The following ANKFN1 variants were observed in gnomAD, a reference collection of about 807,000 sequenced individuals.
ANKFN1 encodes the protein ankyrin repeat and fibronectin type-III domain-containing protein 1.
A neutral mutation model predicts 108.7 loss-of-function variants in ANKFN1; 74 were observed. The observed-to-expected ratio is 0.68, with a 90% CI of 0.56 to 0.83. The LOEUF (loss-of-function observed/expected upper bound fraction) is 0.83, where lower values mean the gene tolerates loss of function less well. Among genes scored for constraint, ANKFN1 ranks in the 40% least tolerant of loss-of-function variants. ANKFN1 has a pLI of 0.00. For synonymous variants in ANKFN1, 547 were observed against 516.2 expected (o/e 1.06, Z -0.81); for missense variants, 1,505 against 1,382.3 (o/e 1.09, Z -1.41).
At chr17:56,242,697 T>C (rs1220805832) in intron 3 of ANKFN1, among the ~76,000 whole-genome samples, 1 of 152,122 alleles carries the variant, frequency 6.6e-6, no homozygotes, top group Admixed American at 6.6e-5. Context: ...GGGTCTTTAA[T>C]TCATGTTGAA....
At chr17:56,104,948 AGAT>A (rs1905716187) in intron 4 of ANKFN1, among the ~76,000 whole-genome samples, 1 of 152,228 alleles carries the variant, frequency 6.6e-6, no homozygotes, top group Non-Finnish European at 1.5e-5. Flanking sequence ...TGAGAATCAA[AGAT>A]GAGTGAGAGG....
intron 8 of ANKFN1, among the ~76,000 whole-genome samples, chr17:56,414,019 G>T (rs1349068312): frequency 6.6e-6 from 1 of 152,118 alleles, no homozygotes; most frequent in Non-Finnish European, 1.5e-5. Flanking sequence ...AACCAAACTT[G>T]CATCCCAGGG....
At chr17:56,067,315 CTG>C (rs1905071987) in intron 4 of ANKFN1, among the ~76,000 whole-genome samples, 1 of 152,146 alleles carries the variant, frequency 6.6e-6, no homozygotes, top group Non-Finnish European at 1.5e-5. Flanking sequence ...CCTTTCTTGA[CTG>C]TGTTTATTAC....
chr17:56,055,557 G>GTATATATATATATATATA (rs1555588755), intron 4 of ANKFN1, among the ~76,000 whole-genome samples: 2 of 20,962 alleles, frequency 9.5e-5, no homozygotes, highest in Non-Finnish European at 2.0e-4. Flanking sequence ...TGTGTGTGTG[G>GTATATATATATATATATA]TATATATACA....
chr17:56,313,762 G>T (rs1025519725), intron 3 of ANKFN1, among the ~76,000 whole-genome samples: 4 of 152,128 alleles, frequency 2.6e-5, no homozygotes, highest in Non-Finnish European at 5.9e-5. Context: ...GCTAAGGCAG[G>T]CATTATTCAT....
chr17:56,424,618 CTT>C (rs2048502096), intron 8 of ANKFN1, among the ~76,000 whole-genome samples: 1 of 152,170 alleles, frequency 6.6e-6, no homozygotes, highest in African/African-American at 2.4e-5. Context: ...ATATCTCTCT[CTT>C]GGATTCCTTG....
intron 6 of ANKFN1, among the ~76,000 whole-genome samples, chr17:56,357,541 C>T (rs2046406729): frequency 6.6e-6 from 1 of 152,192 alleles, no homozygotes; most frequent in Admixed American, 6.6e-5. Context: ...TTGCTAAAGT[C>T]ATATGATGTA....
At chr17:56,235,784 A>C (rs996538087) in intron 3 of ANKFN1, among the ~76,000 whole-genome samples, 2 of 152,152 alleles carry the variant, frequency 1.3e-5, no homozygotes, top group Non-Finnish European at 1.5e-5. Flanking sequence ...AAGTTGGCTA[A>C]GGTGATGACT....
chr17:56,509,895 G>A (rs936982753), intron 20 of ANKFN1, among the ~76,000 whole-genome samples: 1 of 152,160 alleles, frequency 6.6e-6, no homozygotes, highest in Non-Finnish European at 1.5e-5. Context: ...ACTGTAACCT[G>A]GTTAGAATGT....
At position 56,437,973 on chromosome 17, in the gene ANKFN1, GGTGTGT is replaced by G. The variant is rs150040769; in HGVS notation, c.911-2325_911-2320del. On this transcript the variant is annotated intron_variant, in intron 8 of 20. Transcript: ENST00000682825. ...GTGTTGGAAAAACTAATCTACTGTA[GGTGTGT>G]GTGTGTGTGTGTGTGTGTGTGTGTG... is the stretch of plus-strand genomic sequence containing the variant. Among the ~76,000 whole-genome samples, 735 of 142,270 alleles carry G rather than the reference GGTGTGT, an allele frequency of 5.2e-3. 5 individuals are homozygous for G. The highest frequency in any genetic ancestry group is 0.017 in the African/African-American group (651 of 37,648). 93.3% of individuals were successfully genotyped at this position (142,270 alleles called of 152,430 possible).
intron 10 of ANKFN1, among the ~76,000 whole-genome samples, chr17:56,447,621 A>G (rs2049341549): frequency 6.6e-6 from 1 of 152,182 alleles, no homozygotes; most frequent in South Asian, 2.1e-4. Context: ...AAGGATCAGA[A>G]AATCTCTGAG....
intron 6 of ANKFN1, chr17:56,368,109 G>A (rs2046707585): frequency 1.7e-6 from 2 of 1,147,920 alleles, no homozygotes; most frequent in Non-Finnish European, 1.2e-6. Context: ...AACACCAGAT[G>A]TTAGTGACAA....
At chr17:56,244,737 A>C (rs1006874085) in intron 3 of ANKFN1, among the ~76,000 whole-genome samples, 5 of 152,156 alleles carry the variant, frequency 3.3e-5, no homozygotes, top group Admixed American at 3.3e-4. Flanking sequence ...AGCAGGGTAT[A>C]GAGCGTAAAG....
chr17:56,303,687 AATT>A (rs2044735352), intron 3 of ANKFN1, among the ~76,000 whole-genome samples: 3 of 151,694 alleles, frequency 2.0e-5, no homozygotes, highest in African/African-American at 7.3e-5. Flanking sequence ...CTCTTTTTTT[AATT>A]ATTATTTTTT....
At chr17:56,170,515 C>T (rs1910553361) in intron 1 of ANKFN1, among the ~76,000 whole-genome samples, 1 of 151,784 alleles carries the variant, frequency 6.6e-6, no homozygotes, top group African/African-American at 2.4e-5. Context: ...GTAATCCCAG[C>T]ACCTTGGGAG....
At chr17:56,438,582 A>G (rs1315759969) in intron 8 of ANKFN1, among the ~76,000 whole-genome samples, 1 of 151,994 alleles carries the variant, frequency 6.6e-6, no homozygotes. Context: ...TTTTCTTGAG[A>G]CAGGATCACA....
At chr17:56,119,638 T>A (rs1189505858) in intron 4 of ANKFN1, among the ~76,000 whole-genome samples, 2 of 152,154 alleles carry the variant, frequency 1.3e-5, no homozygotes, top group African/African-American at 4.8e-5. Flanking sequence ...TTGGTAAGAA[T>A]TAAGTGAAGT....
chr17:56,243,397 A>C (rs1917729237), intron 3 of ANKFN1, among the ~76,000 whole-genome samples: 1 of 152,128 alleles, frequency 6.6e-6, no homozygotes, highest in Non-Finnish European at 1.5e-5. Flanking sequence ...CAAGCCTCCA[A>C]GCTAGTGATA....
chr17:56,122,419 G>A lies in ANKFN1; in HGVS notation c.288+76094G>A, dbSNP rs117894861. Among the ~76,000 whole-genome samples, 217 of 152,214 alleles carry A rather than the reference G, an allele frequency of 1.4e-3. 3 individuals carry two copies. The East Asian group carries it at 0.037, about 26-fold the overall frequency. ...CCATATCATGGATTTGCTTTTCTATGTATATTTGTCTTGCTCTCTCAGCTG... is the reference window on the plus strand; with the variant it reads ...CCATATCATGGATTTGCTTTTCTATATATATTTGTCTTGCTCTCTCAGCTG... On this transcript the variant is annotated intron_variant, in intron 4 of 12. Coordinates refer to the ANKFN1 transcript ENST00000635860.
Sources: allele counts gnomAD v4.1 joint callset (sites outside exome capture counted in the v4.1 genomes callset), GRCh38; gene constraint gnomAD v4.1.1; transcripts MANE v1.5; gene names NCBI Gene and HGNC (gene_info 2026-07-23, HGNC 2026-07-21).